HYAL4: variants seen among roughly 807,000 people sequenced by gnomAD.
HYAL4 encodes the protein hyaluronidase-4.
In HYAL4, 37 loss-of-function variants were observed where a neutral mutation model predicts 35.2. That is an observed-to-expected ratio of 1.05 (90% CI 0.81 to 1.38). The LOEUF (loss-of-function observed/expected upper bound fraction) is 1.38. Ranked by LOEUF, HYAL4 falls within the 40% of genes most tolerant of loss-of-function variation. The probability of loss-of-function intolerance (pLI) is 0.00; values close to 1 mark genes in which losing one functional copy is unlikely to be tolerated. For synonymous variants in HYAL4, 198 were observed against 203.2 expected (o/e 0.97, Z 0.22); for missense variants, 572 against 572.4 (o/e 1.00, Z 0.01).
At chr7:123,818,767 A>G in the HYAL4 span, among the ~76,000 whole-genome samples, 1 of 152,106 alleles carries the variant, frequency 6.6e-6, no homozygotes, top group African/African-American at 2.4e-5. Context: ...TGATAGCTTT[A>G]TTTAAAAGAA....
rs895987860 is a variant in HYAL4 at position 123,836,873 on chromosome 7, C to G, written c.-256-7372C>G. Among the ~76,000 whole-genome samples the G allele has an allele frequency of 2.0e-5, 3 of 151,898 alleles. No homozygotes were observed. In the East Asian group the frequency reaches 5.8e-4, roughly 29 times the overall value. ...GCAAAACCCTGTCTCTACTAATAAG[C>G]AAAAATTAGCTGGGCGCAGTGGTGG... On this transcript the variant is annotated intron_variant, in intron 1 of 4. Coordinates refer to the HYAL4 transcript ENST00000489978.
At chr7:123,840,427 T>A (rs910884031), upstream of HYAL4, among the ~76,000 whole-genome samples, 15 of 152,286 alleles carry the variant, frequency 9.8e-5, no homozygotes, top group African/African-American at 3.4e-4. Context: ...GTGTGATACC[T>A]CCAGCTTTGT....
chr7:123,797,344 C>A, the HYAL4 span, among the ~76,000 whole-genome samples: 1 of 152,142 alleles, frequency 6.6e-6, no homozygotes, highest in Non-Finnish European at 1.5e-5. Flanking sequence ...GGGTAAAATT[C>A]CAGAACAGGT....
At chr7:123,834,526 A>G (rs972763115) in intron 1 of HYAL4, among the ~76,000 whole-genome samples, 2 of 152,158 alleles carry the variant, frequency 1.3e-5, no homozygotes, top group Non-Finnish European at 2.9e-5. Flanking sequence ...TCATATCATC[A>G]GAAAACAGTG....
chr7:123,851,326 G>A (rs1347685386), intron 2 of HYAL4, among the ~76,000 whole-genome samples: 2 of 152,084 alleles, frequency 1.3e-5, no homozygotes, highest in Admixed American at 6.6e-5. Context: ...CATGTGTCAT[G>A]GTGGTCTGCT....
the HYAL4 span, among the ~76,000 whole-genome samples, chr7:123,780,773 A>C: frequency 6.8e-6 from 1 of 146,994 alleles, no homozygotes; most frequent in South Asian, 2.2e-4. Flanking sequence ...CTTACCCCCA[A>C]CCCCATGCTC....
chr7:123,819,721 G>C, the HYAL4 span, among the ~76,000 whole-genome samples: 1 of 152,006 alleles, frequency 6.6e-6, no homozygotes, highest in African/African-American at 2.4e-5. Context: ...CTGAGTCTCA[G>C]CTTCTCCATC....
chr7:123,824,504 GCTGA>G (rs1384530233), upstream of HYAL4, among the ~76,000 whole-genome samples: 5 of 152,002 alleles, frequency 3.3e-5, no homozygotes, highest in Non-Finnish European at 7.4e-5. Flanking sequence ...CCATTTAGTG[GCTGA>G]CTTTTTCTTA....
At chr7:123,827,828 G>C (rs546287153), upstream of HYAL4, among the ~76,000 whole-genome samples, 3 of 151,988 alleles carry the variant, frequency 2.0e-5, no homozygotes, top group Non-Finnish European at 4.4e-5. Context: ...AGCTTAATTG[G>C]TTTTTAATTA....
chr7:123,784,047 C>T, the HYAL4 span, among the ~76,000 whole-genome samples: 1 of 152,178 alleles, frequency 6.6e-6, no homozygotes, highest in South Asian at 2.1e-4. Flanking sequence ...CGTGTGTGTT[C>T]ATGTAACAGC....
intron 2 of HYAL4, among the ~76,000 whole-genome samples, chr7:123,859,160 G>C (rs1380715491): frequency 6.6e-6 from 1 of 152,120 alleles, no homozygotes; most frequent in African/African-American, 2.4e-5. Context: ...AGCTTCCTGA[G>C]TTATTTAAAA....
chr7:123,786,713 G>GCCATCTAT, the HYAL4 span, among the ~76,000 whole-genome samples: 2 of 148,350 alleles, frequency 1.3e-5, no homozygotes, highest in Non-Finnish European at 3.0e-5. Flanking sequence ...TGTATCACAT[G>GCCATCTAT]CTATCTATCT....
chr7:123,868,084 T>C, intron 2 of HYAL4, 139 bp from the exon 3 acceptor site: 1 of 385,940 alleles, frequency 2.6e-6, no homozygotes, highest in Non-Finnish European at 4.5e-6. Flanking sequence ...TGCTTCTATA[T>C]CTCAATTTAT....
chr7:123,876,523 C>G (rs1318049460), intron 4 of HYAL4, among the ~76,000 whole-genome samples: 1 of 152,164 alleles, frequency 6.6e-6, no homozygotes, highest in Non-Finnish European at 1.5e-5. Context: ...AACATAGTAT[C>G]CATCTCCTGC....
At chr7:123,853,633 A>G (rs1806363649) in intron 2 of HYAL4, among the ~76,000 whole-genome samples, 1 of 152,154 alleles carries the variant, frequency 6.6e-6, no homozygotes, top group Admixed American at 6.5e-5. Context: ...GTTTGCCAGT[A>G]TTTTATTGAG....
Position 123,868,258 on chromosome 7 carries a change from A to G in HYAL4, c.-16A>G. ...GTGCACTAAAGCAGAAGATAACGTA[A>G]CATTTTTATCTTACCATGAAAGTAT... On this transcript the variant is annotated 5_prime_UTR_variant, in exon 3 of 5. Coordinates refer to ENST00000223026, the MANE Select transcript of HYAL4 (RefSeq NM_012269.3). 7.0e-7 allele frequency: 1 copy of G among 1,432,518 alleles called. No homozygotes were observed. The highest frequency in any genetic ancestry group is 1.4e-5 in the South Asian group (1 of 69,880). The allele number at this position is 1,432,518 out of a possible 1,614,324, so 88.7% of individuals were successfully genotyped here. A position where few individuals can be genotyped will look rare whatever the true frequency, so the allele number is the denominator to read the frequency against.
At position 123,874,695 on chromosome 7, in the gene HYAL4, G is replaced by A. The variant is rs146941011; in HGVS notation, c.955-66G>A. ...GCTGGGATTACAGGCGTGAGCCACCGCGCCCAGCCCCTGGTGGATTGTTTT... is the reference window on the plus strand; with the variant it reads ...GCTGGGATTACAGGCGTGAGCCACCACGCCCAGCCCCTGGTGGATTGTTTT... On this transcript the variant is annotated intron_variant, in intron 3 of 4. Coordinates refer to ENST00000223026, the MANE Select transcript of HYAL4 (RefSeq NM_012269.3). 1.5e-3 allele frequency: 1,439 copies of A among 969,588 alleles called. 15 individuals carry two copies. In the African/African-American group the frequency reaches 0.02, roughly 13 times the overall value. The allele number at this position is 969,588 out of a possible 1,614,324, so 60.1% of individuals were successfully genotyped here.
At chr7:123,801,330 G>A in the HYAL4 span, among the ~76,000 whole-genome samples, 1 of 152,134 alleles carries the variant, frequency 6.6e-6, no homozygotes, top group African/African-American at 2.4e-5. Context: ...AGTGGGAATA[G>A]CATTGAGTTA....
the HYAL4 span, among the ~76,000 whole-genome samples, chr7:123,807,560 C>A: frequency 6.6e-6 from 1 of 150,844 alleles, no homozygotes; most frequent in Non-Finnish European, 1.5e-5. Flanking sequence ...CCTGCCTCAG[C>A]CTCCTGAGTA....
Sources: gnomAD v4.1 joint callset for allele counts (sites outside exome capture counted in the v4.1 genomes callset) on GRCh38, gnomAD v4.1.1 for gene constraint, MANE v1.5 for transcripts, NCBI Gene and HGNC (gene_info 2026-07-23, HGNC 2026-07-21) for gene names.